The following LARGE1 variants were observed in gnomAD, a reference collection of about 807,000 sequenced individuals.
The protein encoded by LARGE1 is xylosyl- and glucuronyltransferase LARGE1.
A neutral mutation model predicts 87.6 loss-of-function variants in LARGE1; 43 were observed. The observed-to-expected ratio is 0.49, with a 90% CI of 0.38 to 0.63. LARGE1 has a LOEUF of 0.63. LARGE1 is among the 30% of genes least tolerant of loss of function. The pLI, the probability that LARGE1 is intolerant of heterozygous loss-of-function variation, is 0.00. For synonymous variants in LARGE1, 434 were observed against 394.6 expected (o/e 1.10, Z -1.18); for missense variants, 802 against 1,000.2 (o/e 0.80, Z 2.67).
chr22:33,585,665 T>A (rs2078651009), intron 5 of LARGE1, among the ~76,000 whole-genome samples: 1 of 152,186 alleles, frequency 6.6e-6, no homozygotes, highest in African/African-American at 2.4e-5. Context: ...ATCGAAGGGC[T>A]TCTTGATATT....
intron 1 of LARGE1, among the ~76,000 whole-genome samples, chr22:33,869,895 G>A (rs971336415): frequency 2.0e-5 from 3 of 152,182 alleles, no homozygotes; most frequent in Admixed American, 6.5e-5. Flanking sequence ...AACAGAAACC[G>A]CTGATGTTGA....
chr22:33,624,653 C>T (rs2079863710), intron 4 of LARGE1, among the ~76,000 whole-genome samples: 1 of 152,154 alleles, frequency 6.6e-6, no homozygotes, highest in Non-Finnish European at 1.5e-5. Flanking sequence ...AGACAGAAAG[C>T]ACTATGGAGA....
chr22:33,548,902 T>C (rs2077443100), intron 6 of LARGE1, among the ~76,000 whole-genome samples: 1 of 152,240 alleles, frequency 6.6e-6, no homozygotes, highest in Non-Finnish European at 1.5e-5. Context: ...ATTTTTGACA[T>C]CTAAGCAGTA....
At chr22:33,642,943 A>T (rs1208102977) in intron 3 of LARGE1, among the ~76,000 whole-genome samples, 2 of 152,136 alleles carry the variant, frequency 1.3e-5, no homozygotes, top group Non-Finnish European at 2.9e-5. Context: ...CCACACAATA[A>T]TAGTGGGAGA....
the LARGE1 span, among the ~76,000 whole-genome samples, chr22:33,093,336 G>A: frequency 6.6e-6 from 1 of 152,146 alleles, no homozygotes; most frequent in African/African-American, 2.4e-5. Context: ...ACTGACAATA[G>A]GCGGATTAAT....
At chr22:33,342,545 T>G (rs713690) in intron 9 of LARGE1, among the ~76,000 whole-genome samples, 4 of 152,060 alleles carry the variant, frequency 2.6e-5, no homozygotes, top group Non-Finnish European at 5.9e-5. Flanking sequence ...TAACTACTAT[T>G]ATATCTAGTC....
At chr22:33,493,651 A>C (rs2069964854) in intron 6 of LARGE1, among the ~76,000 whole-genome samples, 3 of 152,152 alleles carry the variant, frequency 2.0e-5, no homozygotes, top group Non-Finnish European at 4.4e-5. Flanking sequence ...AGGCAGTATG[A>C]TCATACCCAT....
intron 9 of LARGE1, among the ~76,000 whole-genome samples, chr22:33,360,554 A>G (rs929338865): frequency 6.7e-6 from 1 of 149,290 alleles, no homozygotes; most frequent in Non-Finnish European, 1.5e-5. Flanking sequence ...TTGTGAGAAC[A>G]CTATCATAAG....
At chr22:33,810,951 T>C (rs2086476187) in intron 1 of LARGE1, among the ~76,000 whole-genome samples, 1 of 152,170 alleles carries the variant, frequency 6.6e-6, no homozygotes, top group Non-Finnish European at 1.5e-5. Context: ...CTCGATCTCC[T>C]GACCTTGTGA....
intron 6 of LARGE1, among the ~76,000 whole-genome samples, chr22:33,434,349 G>T (rs1349473401): frequency 6.6e-6 from 1 of 152,206 alleles, no homozygotes; most frequent in Non-Finnish European, 1.5e-5. Flanking sequence ...TTGCCAGGCT[G>T]GAGTGCAGTG....
intron 2 of LARGE1, among the ~76,000 whole-genome samples, chr22:33,668,429 G>C (rs2081323331): frequency 6.6e-6 from 1 of 152,324 alleles, no homozygotes; most frequent in Non-Finnish European, 1.5e-5. Flanking sequence ...AAGCACTAGA[G>C]GCATTTAGCT....
intron 10 of LARGE1, among the ~76,000 whole-genome samples, chr22:33,323,186 A>G (rs1016562309): frequency 6.6e-6 from 1 of 152,188 alleles, no homozygotes; most frequent in Non-Finnish European, 1.5e-5. Context: ...ACAGGAAAGA[A>G]AGAAAGGTAT....
intron 6 of LARGE1, among the ~76,000 whole-genome samples, chr22:33,560,184 T>C (rs979349475): frequency 1.3e-5 from 2 of 152,194 alleles, no homozygotes; most frequent in African/African-American, 4.8e-5. Context: ...ATCTCTAAAA[T>C]AGGAACATCA....
chr22:33,827,636 G>A (rs916046943), intron 1 of LARGE1, among the ~76,000 whole-genome samples: 35 of 152,308 alleles, frequency 2.3e-4, no homozygotes, highest in African/African-American at 6.7e-4. Flanking sequence ...CACAGAGGGC[G>A]TGTGATGAGA....
At chr22:33,367,381 C>A (rs1411394644) in intron 9 of LARGE1, among the ~76,000 whole-genome samples, 1 of 152,134 alleles carries the variant, frequency 6.6e-6, no homozygotes, top group African/African-American at 2.4e-5. Flanking sequence ...TGCTGACCAA[C>A]TTCAATTTGA....
At chr22:33,906,152 TAAATAA>T (rs1013904781) in intron 1 of LARGE1, among the ~76,000 whole-genome samples, 7 of 151,584 alleles carry the variant, frequency 4.6e-5, no homozygotes, top group African/African-American at 1.2e-4. Flanking sequence ...ATTGATTAAT[TAAATAA>T]AAATAAAAAT....
At chr22:33,096,376 G>A in the LARGE1 span, among the ~76,000 whole-genome samples, 1 of 145,146 alleles carries the variant, frequency 6.9e-6, no homozygotes, top group Non-Finnish European at 1.5e-5. Flanking sequence ...GGTCATTCCA[G>A]TGCACTCCAG....
intron 1 of LARGE1, among the ~76,000 whole-genome samples, chr22:33,802,549 G>C (rs2086193592): frequency 6.6e-6 from 1 of 152,148 alleles, no homozygotes; most frequent in African/African-American, 2.4e-5. Flanking sequence ...TCCCCGTTCT[G>C]GTTATGAAGA....
At chr22:33,311,472 G>T (rs932581326) in intron 11 of LARGE1, among the ~76,000 whole-genome samples, 1 of 152,200 alleles carries the variant, frequency 6.6e-6, no homozygotes, top group African/African-American at 2.4e-5. Flanking sequence ...GCAGAGAGGT[G>T]AGAAACATTA....
Sources: gnomAD v4.1 joint callset for allele counts (sites outside exome capture counted in the v4.1 genomes callset) on GRCh38, gnomAD v4.1.1 for gene constraint, MANE v1.5 for transcripts, NCBI Gene and HGNC (gene_info 2026-07-23, HGNC 2026-07-21) for gene names.